Variants in SPAG16 observed in about 807,000 individuals in gnomAD.
The protein encoded by SPAG16 is sperm-associated antigen 16 protein.
In SPAG16, 86 loss-of-function variants were observed where a neutral mutation model predicts 80.4. The ratio of observed to expected loss-of-function variants is 1.07; its 90% CI spans 0.90 to 1.28. The LOEUF (loss-of-function observed/expected upper bound fraction) is 1.28. Among genes scored for constraint, SPAG16 ranks in the 50% most tolerant of loss-of-function variants. The probability of loss-of-function intolerance (pLI) is 0.00; values close to 1 mark genes in which losing one functional copy is unlikely to be tolerated. For missense variants in SPAG16, 870 were observed against 765.3 expected (o/e 1.14, Z -1.61); for synonymous variants, 294 against 265.9 (o/e 1.11, Z -1.03).
intron 12 of SPAG16, among the ~76,000 whole-genome samples, chr2:213,954,259 AT>A (rs2044005210): frequency 1.3e-5 from 2 of 151,758 alleles, no homozygotes; most frequent in African/African-American, 4.8e-5. Flanking sequence ...TATTCTGAGC[AT>A]TTTATATAAA....
At chr2:213,448,844 CAT>C (rs1441333713) in intron 9 of SPAG16, among the ~76,000 whole-genome samples, 1 of 152,066 alleles carries the variant, frequency 6.6e-6, no homozygotes. Flanking sequence ...GATTGTAAAA[CAT>C]GTGAGTTTGA....
At chr2:214,360,670 T>C (rs1200655594) in intron 15 of SPAG16, among the ~76,000 whole-genome samples, 2 of 151,864 alleles carry the variant, frequency 1.3e-5, no homozygotes, top group Middle Eastern at 6.3e-3. Context: ...CAATTTAAAA[T>C]TATCCTTTGC....
chr2:213,596,539 T>G (rs1219151017), intron 10 of SPAG16, among the ~76,000 whole-genome samples: 1 of 152,172 alleles, frequency 6.6e-6, no homozygotes, highest in South Asian at 2.1e-4. Flanking sequence ...TTTAAGAATA[T>G]GATTAAACAA....
intron 10 of SPAG16, among the ~76,000 whole-genome samples, chr2:213,823,034 G>A (rs761497991): frequency 7.9e-5 from 12 of 152,046 alleles, no homozygotes; most frequent in Non-Finnish European, 7.4e-5. Flanking sequence ...TGCAATAAAC[G>A]TAAGTGTGCA....
At chr2:213,831,400 TCATAA>T (rs2125717519) in intron 10 of SPAG16, among the ~76,000 whole-genome samples, 1 of 132,716 alleles carries the variant, frequency 7.5e-6, no homozygotes, top group South Asian at 3.1e-4. Context: ...GCTTTTCAAT[TCATAA>T]TTCAGGTGTT....
chr2:213,849,291 A>G (rs1414254256), intron 10 of SPAG16, among the ~76,000 whole-genome samples: 1 of 152,114 alleles, frequency 6.6e-6, no homozygotes, highest in African/African-American at 2.4e-5. Context: ...TGAGAATGGC[A>G]CCACGACATC....
chr2:214,351,093 T>A (rs905518305), intron 15 of SPAG16, among the ~76,000 whole-genome samples: 2 of 152,140 alleles, frequency 1.3e-5, no homozygotes, highest in Non-Finnish European at 2.9e-5. Flanking sequence ...TGAGGATGTA[T>A]GATCAATACA....
intron 10 of SPAG16, among the ~76,000 whole-genome samples, chr2:213,741,550 A>C (rs1285047355): frequency 6.6e-6 from 1 of 152,210 alleles, no homozygotes; most frequent in African/African-American, 2.4e-5. Context: ...AGTTTAGTCA[A>C]AGTTATATTA....
intron 11 of SPAG16, among the ~76,000 whole-genome samples, chr2:213,877,190 C>A (rs2076173041): frequency 6.6e-6 from 1 of 152,126 alleles, no homozygotes; most frequent in Non-Finnish European, 1.5e-5. Flanking sequence ...CAGGGCTGAG[C>A]TTTCAAATCC....
intron 15 of SPAG16, among the ~76,000 whole-genome samples, chr2:214,229,502 G>C (rs866523095): frequency 6.6e-6 from 1 of 151,786 alleles, no homozygotes; most frequent in South Asian, 2.1e-4. Context: ...ATTTATATGT[G>C]TATGTGTGTA....
At chr2:213,972,230 T>C (rs938102320) in intron 12 of SPAG16, among the ~76,000 whole-genome samples, 4 of 151,134 alleles carry the variant, frequency 2.6e-5, no homozygotes, top group Middle Eastern at 3.4e-3. Flanking sequence ...AAGTCTGTAT[T>C]CATCAGAGAA....
At chr2:213,899,052 T>C (rs1482439872) in intron 11 of SPAG16, among the ~76,000 whole-genome samples, 1 of 152,134 alleles carries the variant, frequency 6.6e-6, no homozygotes, top group Non-Finnish European at 1.5e-5. Context: ...TATATTTTCT[T>C]ACCAAGACTT....
intron 10 of SPAG16, among the ~76,000 whole-genome samples, chr2:213,779,412 C>A (rs947700298): frequency 6.6e-6 from 1 of 152,138 alleles, no homozygotes; most frequent in African/African-American, 2.4e-5. Flanking sequence ...GCTTGCCTAA[C>A]AGGATTTCCA....
At chr2:213,359,386 A>T (rs2065851186) in intron 7 of SPAG16, among the ~76,000 whole-genome samples, 2 of 146,582 alleles carry the variant, frequency 1.4e-5, no homozygotes, top group African/African-American at 4.9e-5. Flanking sequence ...ACAGAGATGG[A>T]GTCTATAGAG....
chr2:213,410,658 A>G (rs938440147), intron 9 of SPAG16, among the ~76,000 whole-genome samples: 6 of 152,242 alleles, frequency 3.9e-5, no homozygotes, highest in Non-Finnish European at 8.8e-5. Context: ...TTAAGACAGG[A>G]TACCAAGATG....
At chr2:213,613,437 C>G (rs2061499938) in intron 10 of SPAG16, among the ~76,000 whole-genome samples, 1 of 152,168 alleles carries the variant, frequency 6.6e-6, no homozygotes, top group Non-Finnish European at 1.5e-5. Flanking sequence ...TACTGGTTTC[C>G]TTGACTTGAT....
At chr2:213,636,659 A>G (rs551757040) in intron 10 of SPAG16, among the ~76,000 whole-genome samples, 10 of 152,296 alleles carry the variant, frequency 6.6e-5, no homozygotes, top group African/African-American at 2.2e-4. Flanking sequence ...CTCCTTGTAC[A>G]GATCTTTCAC....
At chr2:214,295,338 C>T (rs944165909) in intron 15 of SPAG16, among the ~76,000 whole-genome samples, 4 of 152,130 alleles carry the variant, frequency 2.6e-5, no homozygotes, top group African/African-American at 7.2e-5. Flanking sequence ...TTAACAAAAC[C>T]CTAAACTTAC....
At chr2:213,560,309 A>G (rs1350130165) in intron 10 of SPAG16, among the ~76,000 whole-genome samples, 2 of 152,154 alleles carry the variant, frequency 1.3e-5, no homozygotes, top group African/African-American at 2.4e-5. Flanking sequence ...AACTATGTTT[A>G]GAAAGTTTGT....
Sources: gnomAD v4.1 joint callset for allele counts (sites outside exome capture counted in the v4.1 genomes callset) on GRCh38, gnomAD v4.1.1 for gene constraint, MANE v1.5 for transcripts, NCBI Gene and HGNC (gene_info 2026-07-23, HGNC 2026-07-21) for gene names.